The following CNTN4 variants were observed in gnomAD, a reference collection of about 807,000 sequenced individuals.
CNTN4 encodes contactin-4.
In CNTN4, 77 loss-of-function variants were observed where a neutral mutation model predicts 122.5. That is an observed-to-expected ratio of 0.63 (90% CI 0.52 to 0.76). The LOEUF is 0.76. Among genes scored for constraint, CNTN4 ranks in the 30% least tolerant of loss-of-function variants. The pLI is 0.00. For synonymous variants in CNTN4, 512 were observed against 447.0 expected (o/e 1.15, Z -1.83); for missense variants, 1,256 against 1,259.1 (o/e 1.00, Z 0.04).
At chr3:2,244,563 TAG>T (rs1372727928) in intron 2 of CNTN4, among the ~76,000 whole-genome samples, 2 of 152,102 alleles carry the variant, frequency 1.3e-5, no homozygotes, top group African/African-American at 4.8e-5. Flanking sequence ...TTGAGTATAT[TAG>T]GTTACATAAA....
At chr3:2,354,475 G>A (rs529839662) in intron 3 of CNTN4, among the ~76,000 whole-genome samples, 1 of 152,200 alleles carries the variant, frequency 6.6e-6, no homozygotes, top group Non-Finnish European at 1.5e-5. Context: ...AGGTTACCGT[G>A]AGCCCAGATC....
rs142437346 is a variant in CNTN4, at chr3:2,995,794, A to G, written c.1486+7322A>G. Among the ~76,000 whole-genome samples the G allele has an allele frequency of 1.4e-4, 22 of 152,272 alleles. No homozygotes were observed. The East Asian group carries it at 4.1e-3, about 28-fold the overall frequency. On this transcript the variant is annotated intron_variant, in intron 14 of 24. Transcript: ENST00000418658. ...TGGTACTCACACACTCTCAGTAGGG[A>G]TAGAAATTGCAATAGATACTGTGGA...
At chr3:3,048,097 C>A (rs1239265549) in intron 23 of CNTN4, among the ~76,000 whole-genome samples, 1 of 152,034 alleles carries the variant, frequency 6.6e-6, no homozygotes, top group African/African-American at 2.4e-5. Context: ...TCAACTACAC[C>A]CCAAGGAAGG....
Position 2,440,507 on chromosome 3 carries a change from C to G in CNTN4, c.-89+101274C>G, listed in dbSNP as rs1341178425. Among the ~76,000 whole-genome samples the G allele has an allele frequency of 2.6e-5, 4 of 152,170 alleles. No individual in the cohort carries two copies. The East Asian group carries it at 7.7e-4, about 29-fold the overall frequency. On this transcript the variant is annotated intron_variant, in intron 3 of 24. Coordinates refer to ENST00000418658, the MANE Select transcript of CNTN4 (RefSeq NM_175607.3). ...ATAATTCTCAAGAGTTCCAGTTCCTCTCTTCACTTTTAATATGTGCGTGTT... is the reference window on the plus strand; with the variant it reads ...ATAATTCTCAAGAGTTCCAGTTCCTGTCTTCACTTTTAATATGTGCGTGTT...
chr3:2,458,258 A>G (rs73804598), intron 3 of CNTN4, among the ~76,000 whole-genome samples: 5,053 of 152,264 alleles, frequency 0.033, 272 homozygotes, highest in African/African-American at 0.11. Flanking sequence ...GTTACAATGT[A>G]TGAGTCCATT....
intron 3 of CNTN4, among the ~76,000 whole-genome samples, chr3:2,550,605 T>C (rs1276513996): frequency 1.3e-5 from 2 of 152,276 alleles, no homozygotes; most frequent in Non-Finnish European, 1.5e-5. Flanking sequence ...ACTGGGTATA[T>C]ACCCAAAGGA....
At chr3:2,951,251 T>C (rs989490765) in intron 13 of CNTN4, among the ~76,000 whole-genome samples, 8 of 152,174 alleles carry the variant, frequency 5.3e-5, no homozygotes, top group African/African-American at 1.9e-4. Flanking sequence ...TTTCCACAGA[T>C]GGCGGGTGGG....
intron 4 of CNTN4, among the ~76,000 whole-genome samples, chr3:2,715,520 T>C (rs904673517): frequency 6.6e-6 from 1 of 152,228 alleles, no homozygotes; most frequent in Non-Finnish European, 1.5e-5. Flanking sequence ...CAAAATTGTT[T>C]TAAGGATTAA....
chr3:2,199,343 G>C (rs573301749), intron 2 of CNTN4, among the ~76,000 whole-genome samples: 3 of 151,174 alleles, frequency 2.0e-5, no homozygotes, highest in East Asian at 1.9e-4. Context: ...GTGTGTCTCT[G>C]TGTGTGTGTG....
intron 6 of CNTN4, among the ~76,000 whole-genome samples, chr3:2,764,914 C>T (rs1364881437): frequency 2.0e-5 from 3 of 152,198 alleles, no homozygotes; most frequent in Non-Finnish European, 4.4e-5. Flanking sequence ...CCAAACTTCA[C>T]ACAGCTGGGA....
At chr3:2,922,084 A>G (rs746855174) in intron 12 of CNTN4, among the ~76,000 whole-genome samples, 34 of 152,224 alleles carry the variant, frequency 2.2e-4, no homozygotes, top group Non-Finnish European at 3.5e-4. Flanking sequence ...AAATATTATC[A>G]TTTAAGTATA....
At chr3:2,672,060 C>G (rs1285782746) in intron 4 of CNTN4, among the ~76,000 whole-genome samples, 1 of 152,222 alleles carries the variant, frequency 6.6e-6, no homozygotes, top group Admixed American at 6.5e-5. Context: ...ACTCAGGGGT[C>G]AGGGACCCAC....
At chr3:2,896,202 G>A (rs1181936842) in intron 10 of CNTN4, among the ~76,000 whole-genome samples, 1 of 152,106 alleles carries the variant, frequency 6.6e-6, no homozygotes, top group Non-Finnish European at 1.5e-5. Context: ...AGCAAAGTAT[G>A]TGTATGTTTC....
chr3:2,892,831 G>C (rs1054912728), intron 10 of CNTN4, among the ~76,000 whole-genome samples: 12 of 152,122 alleles, frequency 7.9e-5, no homozygotes, highest in African/African-American at 2.9e-4. Context: ...GCAACTGCTG[G>C]GGCCAACCCT....
intron 4 of CNTN4, among the ~76,000 whole-genome samples, chr3:2,670,290 T>C (rs1291326485): frequency 6.6e-6 from 1 of 152,184 alleles, no homozygotes; most frequent in African/African-American, 2.4e-5. Context: ...ATTGGGTACA[T>C]ATATATTTAG....
chr3:2,212,381 G>A (rs1348999503), intron 2 of CNTN4, among the ~76,000 whole-genome samples: 3 of 152,174 alleles, frequency 2.0e-5, no homozygotes, highest in African/African-American at 7.2e-5. Flanking sequence ...ACTGACAAAG[G>A]AAAGAGGTTT....
intron 3 of CNTN4, among the ~76,000 whole-genome samples, chr3:2,477,877 T>G (rs1381468145): frequency 6.6e-6 from 1 of 152,168 alleles, no homozygotes; most frequent in Non-Finnish European, 1.5e-5. Context: ...GTAAGCTCAG[T>G]AGGAACAGCT....
chr3:2,990,381 A>G (rs1694949741), intron 14 of CNTN4, among the ~76,000 whole-genome samples: 1 of 152,224 alleles, frequency 6.6e-6, no homozygotes, highest in South Asian at 2.1e-4. Context: ...TGAGCCTATA[A>G]TAAAGAAATG....
chr3:2,565,341 A>G (rs534418825), intron 3 of CNTN4, among the ~76,000 whole-genome samples: 1 of 152,184 alleles, frequency 6.6e-6, no homozygotes, highest in Non-Finnish European at 1.5e-5. Flanking sequence ...ACTTACTGCA[A>G]TCTCCAGTCA....
Sources: gnomAD v4.1 joint callset for allele counts (sites outside exome capture counted in the v4.1 genomes callset) on GRCh38, gnomAD v4.1.1 for gene constraint, MANE v1.5 for transcripts, NCBI Gene and HGNC (gene_info 2026-07-23, HGNC 2026-07-21) for gene names.